The following AGBL1 variants were observed in gnomAD, a reference collection of about 807,000 sequenced individuals.
AGBL1 encodes the protein AGBL carboxypeptidase 1, also known as cytosolic carboxypeptidase 4.
A neutral mutation model predicts 118.9 loss-of-function variants in AGBL1; 130 were observed. The ratio of observed to expected loss-of-function variants is 1.09; its 90% CI spans 0.95 to 1.26. AGBL1 has a LOEUF of 1.26. Among genes scored for constraint, AGBL1 ranks in the 50% most tolerant of loss-of-function variants. The pLI is 0.00. For synonymous variants in AGBL1, 555 were observed against 478.9 expected (o/e 1.16, Z -2.08); for missense variants, 1,584 against 1,298.1 (o/e 1.22, Z -3.38).
At chr15:86,177,978 T>A (rs1309118639) in intron 5 of AGBL1, among the ~76,000 whole-genome samples, 2 of 152,148 alleles carry the variant, frequency 1.3e-5, no homozygotes, top group Non-Finnish European at 2.9e-5. Flanking sequence ...CAATAAGCAA[T>A]TCAATCAAAA....
intron 1 of AGBL1, among the ~76,000 whole-genome samples, chr15:86,095,670 T>G (rs1216500556): frequency 1.4e-5 from 2 of 147,548 alleles, no homozygotes; most frequent in Non-Finnish European, 3.0e-5. Flanking sequence ...TTTTTTTTTT[T>G]TTTTTACCTT....
chr15:86,125,355 C>A (rs1898355024), intron 1 of AGBL1, among the ~76,000 whole-genome samples: 1 of 152,016 alleles, frequency 6.6e-6, no homozygotes, highest in South Asian at 2.1e-4. Context: ...TTCTCTCATA[C>A]CTCTCTCTCA....
At chr15:86,455,028 C>T (rs2082242785) in intron 18 of AGBL1, among the ~76,000 whole-genome samples, 3 of 152,148 alleles carry the variant, frequency 2.0e-5, no homozygotes, top group Admixed American at 2.0e-4. Context: ...TGACCATTTA[C>T]CCATCAGGAG....
At chr15:86,170,423 G>A (rs2077398022) in intron 5 of AGBL1, among the ~76,000 whole-genome samples, 1 of 151,836 alleles carries the variant, frequency 6.6e-6, no homozygotes, top group African/African-American at 2.4e-5. Context: ...AAATAGGTAG[G>A]GACAGAAAAA....
At chr15:86,151,776 C>T (rs1216875253) in intron 3 of AGBL1, among the ~76,000 whole-genome samples, 2 of 152,078 alleles carry the variant, frequency 1.3e-5, no homozygotes, top group Non-Finnish European at 1.5e-5. Flanking sequence ...TTTAGAAAAC[C>T]CTATCATCTC....
At chr15:86,471,406 C>T (rs1165948329) in intron 18 of AGBL1, among the ~76,000 whole-genome samples, 1 of 151,798 alleles carries the variant, frequency 6.6e-6, no homozygotes, top group Non-Finnish European at 1.5e-5. Context: ...CACTTGATCT[C>T]AGTGTTTGAC....
chr15:86,117,035 G>A (rs567090894), intron 1 of AGBL1, among the ~76,000 whole-genome samples: 1 of 150,564 alleles, frequency 6.6e-6, no homozygotes, highest in Non-Finnish European at 1.5e-5. Flanking sequence ...AAGTCTTGTT[G>A]AAGAGTTTTC....
At chr15:86,520,166 T>C (rs560162749) in intron 18 of AGBL1, among the ~76,000 whole-genome samples, 1 of 152,316 alleles carries the variant, frequency 6.6e-6, no homozygotes, top group South Asian at 2.1e-4. Context: ...ATGAATGTAG[T>C]CAAAGTTGTG....
In AGBL1 at chr15:86,714,313, T is replaced by G. The variant is rs189049716; in HGVS notation, c.3158+39877T>G. Among the ~76,000 whole-genome samples the G allele has an allele frequency of 2.0e-5, 3 of 152,200 alleles. No homozygotes were observed. In the East Asian group the frequency reaches 5.8e-4, roughly 29 times the overall value. ...ATGTGAATCAGAACTCAAGTGTAGT[T>G]GAATGTCAGTGGGCTGAGCTGAGAG... is the stretch of plus-strand genomic sequence containing the variant. On this transcript the variant is annotated intron_variant, in intron 22 of 22. Transcript: ENST00000614907.
chr15:86,121,683 T>G (rs954803232), intron 1 of AGBL1, among the ~76,000 whole-genome samples: 6 of 152,244 alleles, frequency 3.9e-5, no homozygotes, highest in Admixed American at 6.5e-5. Context: ...TTTCTAAAAG[T>G]GTCTGCTGTG....
intron 17 of AGBL1, among the ~76,000 whole-genome samples, chr15:86,381,141 C>T (rs987978161): frequency 6.6e-6 from 1 of 152,098 alleles, no homozygotes. Flanking sequence ...CTTTTTGTCA[C>T]TGAATTTGAA....
intron 24 of AGBL1, among the ~76,000 whole-genome samples, chr15:86,999,109 G>GT (rs1482453353): frequency 1.3e-5 from 2 of 150,756 alleles, no homozygotes; most frequent in Non-Finnish European, 2.9e-5. Flanking sequence ...TGCAGTGTTT[G>GT]TTTTTTCGTC....
rs145736553 is a variant in AGBL1 at position 86,703,869 on chromosome 15, A to G, written c.3158+29433A>G. ...TTTTTAGAACAAAACTGGAGGCATC[A>G]TGCTACCAGAGTTCAAACTATACTA... is the stretch of plus-strand genomic sequence containing the variant. On this transcript the variant is annotated intron_variant, in intron 22 of 22. Transcript: ENST00000614907. 2.0e-3 allele frequency among the ~76,000 whole-genome samples: 303 copies of G among 152,244 alleles called. 2 individuals carry two copies. The highest frequency in any genetic ancestry group is 6.9e-3 in the African/African-American group (285 of 41,556).
chr15:86,196,713 G>C (rs2077808765), intron 5 of AGBL1, among the ~76,000 whole-genome samples: 1 of 152,068 alleles, frequency 6.6e-6, no homozygotes. Flanking sequence ...AACCCCCAAT[G>C]TTACTGTATT....
intron 18 of AGBL1, among the ~76,000 whole-genome samples, chr15:86,517,938 C>T (rs1005526172): frequency 6.6e-6 from 1 of 152,176 alleles, no homozygotes; most frequent in Non-Finnish European, 1.5e-5. Flanking sequence ...TCTCCTCCTG[C>T]ACCCTTCCTG....
chr15:86,245,417 C>T (rs368769822), intron 6 of AGBL1, among the ~76,000 whole-genome samples: 21 of 152,212 alleles, frequency 1.4e-4, no homozygotes, highest in African/African-American at 4.6e-4. Context: ...AGTGAGAGAA[C>T]GGAGCTACAA....
chr15:86,522,975 G>T (rs2142201447), intron 19 of AGBL1, 36 bp downstream of exon 19: 1 of 1,602,226 alleles, frequency 6.2e-7, no homozygotes, highest in Non-Finnish European at 8.6e-7. Flanking sequence ...CTTCCTGGCT[G>T]CTTCCTTCTA....
intron 23 of AGBL1, among the ~76,000 whole-genome samples, chr15:86,928,018 T>G (rs2080563479): frequency 6.6e-6 from 1 of 152,138 alleles, no homozygotes; most frequent in South Asian, 2.1e-4. Context: ...AAATGTACTT[T>G]ATGTAAGGAA....
intron 21 of AGBL1, among the ~76,000 whole-genome samples, chr15:86,641,308 A>G (rs962045273): frequency 6.6e-6 from 1 of 152,172 alleles, no homozygotes. Flanking sequence ...AAATGAATGT[A>G]TAAAATACAC....
Sources: gnomAD v4.1 joint callset for allele counts (sites outside exome capture counted in the v4.1 genomes callset) on GRCh38, gnomAD v4.1.1 for gene constraint, MANE v1.5 for transcripts, NCBI Gene and HGNC (gene_info 2026-07-23, HGNC 2026-07-21) for gene names.